The following HDAC4 variants were observed in gnomAD, a reference collection of about 807,000 sequenced individuals.
The protein encoded by HDAC4 is histone deacetylase A.
Under a neutral mutation model 135.1 loss-of-function variants are expected in HDAC4, and 16 were observed. The observed-to-expected ratio is 0.12, with a 90% confidence interval of 0.08 to 0.18. HDAC4 has a LOEUF of 0.18. Ranked by LOEUF, HDAC4 falls within the 10% of genes least tolerant of loss-of-function variation. The pLI, the probability that HDAC4 is intolerant of heterozygous loss-of-function variation, is 1.00. For synonymous variants in HDAC4, 685 were observed against 653.4 expected (o/e 1.05, Z -0.74); for missense variants, 1,143 against 1,511.8 (o/e 0.76, Z 4.05).
chr2:239,224,606 A>G (rs2047141568), intron 3 of HDAC4, among the ~76,000 whole-genome samples: 1 of 152,138 alleles, frequency 6.6e-6, no homozygotes, highest in South Asian at 2.1e-4. Context: ...TCCCTGCTCT[A>G]CTGTTTACTC....
chr2:239,298,003 T>C (rs747844320), intron 2 of HDAC4, among the ~76,000 whole-genome samples: 1 of 152,054 alleles, frequency 6.6e-6, no homozygotes, highest in Non-Finnish European at 1.5e-5. Context: ...CCACTACTGA[T>C]GCTGAGATGA....
intron 1 of HDAC4, among the ~76,000 whole-genome samples, chr2:239,397,444 T>TC (rs1575812368): frequency 6.6e-6 from 1 of 151,790 alleles, no homozygotes; most frequent in Non-Finnish European, 1.5e-5. Context: ...TACATCCTCA[T>TC]CCCCCGACAG....
Position 239,052,787 on chromosome 2 carries a change from C to T in HDAC4, c.*310G>A. ...CAGCTCGGCCGCCTGTTGCCACAGGCTCCTTTCTTCCACGGCGTCCCTTGC... is the reference window on the plus strand; with the variant it reads ...CAGCTCGGCCGCCTGTTGCCACAGGTTCCTTTCTTCCACGGCGTCCCTTGC... On this transcript the variant is annotated 3_prime_UTR_variant, in exon 27 of 27. Coordinates refer to ENST00000543185, the MANE Select transcript of HDAC4 (RefSeq NM_001378414.1). 1 of 428,260 alleles carries T rather than the reference C, an allele frequency of 2.3e-6. No individual in the cohort carries two copies. Among genetic ancestry groups the T allele is most frequent in the Non-Finnish European group, 4.2e-6 (1 of 235,710 alleles). The allele number at this position is 428,260 out of a possible 1,614,324, so 26.5% of individuals were successfully genotyped here.
At chr2:239,120,605 A>G (rs1313961710) in intron 12 of HDAC4, among the ~76,000 whole-genome samples, 7 of 25,060 alleles carry the variant, frequency 2.8e-4, no homozygotes, top group African/African-American at 1.2e-3. Context: ...GGGGAGGGAA[A>G]TGGGGGGGCG....
chr2:239,203,729 C>T lies in HDAC4; in HGVS notation c.95-13652G>A, dbSNP rs529855789. Among the ~76,000 whole-genome samples, 68 of 152,234 alleles carry T rather than the reference C, an allele frequency of 4.5e-4. 1 individual carries two copies. Among genetic ancestry groups the T allele is most frequent in the South Asian group, 3.7e-3 (18 of 4,816 alleles). On this transcript the variant is annotated intron_variant, in intron 3 of 26. Transcript: ENST00000543185. ...ACTTCACTGCAGCCTCCATCCCTCA[C>T]CCCCAGCCCTGGCTGGGGATTCCTC...
At chr2:239,311,668 C>T (rs2052886085) in intron 2 of HDAC4, among the ~76,000 whole-genome samples, 1 of 152,190 alleles carries the variant, frequency 6.6e-6, no homozygotes, top group Admixed American at 6.5e-5. Context: ...ACAGGGGACT[C>T]CGTTTCTCAC....
chr2:239,053,280 GATCTAATGCTCCTC>G (rs2031173315), intron 26 of HDAC4, 144 bp from the exon 27 acceptor site: 1 of 1,326,674 alleles, frequency 7.5e-7, no homozygotes, highest in Non-Finnish European at 1.1e-6. Context: ...ATCTGTTCAG[GATCTAATGCTCCTC>G]ATGCGTCTCT....
chr2:239,160,966 G>A (rs1373861852), intron 6 of HDAC4, among the ~76,000 whole-genome samples: 1 of 152,194 alleles, frequency 6.6e-6, no homozygotes, highest in Non-Finnish European at 1.5e-5. Flanking sequence ...CACCCGGCCT[G>A]TTTCACTCCG....
At chr2:239,295,622 C>T (rs2051838906) in intron 2 of HDAC4, among the ~76,000 whole-genome samples, 1 of 152,190 alleles carries the variant, frequency 6.6e-6, no homozygotes. Flanking sequence ...TTGGCATTCT[C>T]ACTTTGTAAT....
intron 2 of HDAC4, among the ~76,000 whole-genome samples, chr2:239,335,508 CAAAAAAAA>C (rs61007856): frequency 1.7e-5 from 1 of 59,382 alleles, no homozygotes. Context: ...ATCTGTTCAG[CAAAAAAAA>C]AAAAAAAAAA....
intron 3 of HDAC4, among the ~76,000 whole-genome samples, chr2:239,197,485 C>T (rs1296565134): frequency 6.6e-6 from 1 of 152,306 alleles, no homozygotes; most frequent in Middle Eastern, 3.4e-3. Flanking sequence ...GTGCTCCCAT[C>T]GTAGGGGGCT....
Position 239,262,972 on chromosome 2 carries a change from G to A in HDAC4, c.23-26308C>T, listed in dbSNP as rs73100729. ...CGAAAGATCTACGCGTGAAGCCCCCGGGAAGCCAAGCCCCAGGAAGGGCCC... is the reference window on the plus strand; with the variant it reads ...CGAAAGATCTACGCGTGAAGCCCCCAGGAAGCCAAGCCCCAGGAAGGGCCC... On this transcript the variant is annotated intron_variant, in intron 2 of 26. Transcript: ENST00000543185. The surrounding 1 kb of genome is among the most constrained non-coding windows in gnomAD (Gnocchi z 4.1). Among the ~76,000 whole-genome samples, 6,068 of 151,988 alleles carry A rather than the reference G, an allele frequency of 0.04. 146 individuals carry two copies. The highest frequency in any genetic ancestry group is 0.079 in the East Asian group (407 of 5,138).
chr2:239,222,962 C>T, intron 3 of HDAC4, among the ~76,000 whole-genome samples: 1 of 152,150 alleles, frequency 6.6e-6, no homozygotes, highest in Non-Finnish European at 1.5e-5. Flanking sequence ...CTCCAGCCTG[C>T]TCACACCAGC....
intron 2 of HDAC4, among the ~76,000 whole-genome samples, chr2:239,286,272 T>C (rs990833675): frequency 6.6e-6 from 1 of 152,090 alleles, no homozygotes; most frequent in East Asian, 1.9e-4. Flanking sequence ...TAAGTGTAAT[T>C]GATGCATTTT....
At chr2:239,145,058 TGAG>T (rs1217972305) in intron 7 of HDAC4, among the ~76,000 whole-genome samples, 7 of 152,216 alleles carry the variant, frequency 4.6e-5, no homozygotes, top group Non-Finnish European at 8.8e-5. Flanking sequence ...AGGAGGCTGC[TGAG>T]GTGTGAAGTC....
At chr2:239,096,541 G>A (rs1484176027) in intron 16 of HDAC4, among the ~76,000 whole-genome samples, 2 of 61,452 alleles carry the variant, frequency 3.3e-5, no homozygotes, top group Non-Finnish European at 3.0e-5. Flanking sequence ...TACCCCCCAC[G>A]GATGCCCACG....
chr2:239,378,835 G>T (rs181097957), intron 1 of HDAC4, among the ~76,000 whole-genome samples: 3 of 152,286 alleles, frequency 2.0e-5, no homozygotes, highest in African/African-American at 7.2e-5. Context: ...TGGCAGAGTC[G>T]GACAATTTGG....
At chr2:239,364,132 C>A (rs909396936) in intron 1 of HDAC4, among the ~76,000 whole-genome samples, 4 of 152,192 alleles carry the variant, frequency 2.6e-5, no homozygotes, top group Non-Finnish European at 5.9e-5. Flanking sequence ...ACGGCACACA[C>A]CCTGTGGGAA....
chr2:239,128,890 G>C (rs1446619704), intron 11 of HDAC4, among the ~76,000 whole-genome samples: 1 of 152,134 alleles, frequency 6.6e-6, no homozygotes, highest in Non-Finnish European at 1.5e-5. Flanking sequence ...CAAGCGACTC[G>C]AGCCAGCGGT....
Sources: allele counts gnomAD v4.1 joint callset (sites outside exome capture counted in the v4.1 genomes callset), GRCh38; gene constraint gnomAD v4.1.1; non-coding constraint Gnocchi (gnomAD v3.1); transcripts MANE v1.5; gene names NCBI Gene and HGNC (gene_info 2026-07-23, HGNC 2026-07-21).